Variants in DGKD observed in about 807,000 individuals in gnomAD.
DGKD encodes diacylglycerol kinase delta.
A neutral mutation model predicts 154.4 loss-of-function variants in DGKD; 68 were observed. That is an observed-to-expected ratio of 0.44 (90% CI 0.36 to 0.54). The LOEUF (loss-of-function observed/expected upper bound fraction) is 0.54. Ranked by LOEUF, DGKD falls within the 20% of genes least tolerant of loss-of-function variation. The pLI is 0.00. For missense variants in DGKD, 1,343 were observed against 1,593.6 expected (o/e 0.84, Z 2.68); for synonymous variants, 693 against 638.0 (o/e 1.09, Z -1.30).
At chr2:233,386,555 G>A (rs1372649181) in intron 1 of DGKD, among the ~76,000 whole-genome samples, 1 of 146,848 alleles carries the variant, frequency 6.8e-6, no homozygotes, top group Admixed American at 6.7e-5. Flanking sequence ...CTAGGGGAGG[G>A]GGTGGGGGTG....
chr2:233,416,311 A>T (rs919512868), intron 3 of DGKD, among the ~76,000 whole-genome samples: 1 of 152,190 alleles, frequency 6.6e-6, no homozygotes, highest in Non-Finnish European at 1.5e-5. Context: ...AGTATTGAAC[A>T]CACAAACAGG....
intron 2 of DGKD, among the ~76,000 whole-genome samples, chr2:233,389,715 A>G (rs1235746561): frequency 6.6e-6 from 1 of 152,162 alleles, no homozygotes; most frequent in Non-Finnish European, 1.5e-5. Context: ...GAGCCATCGT[A>G]GAATAGAGGG....
chr2:233,436,260 G>T, intron 6 of DGKD, 56 bp from the exon 7 acceptor site: 2 of 1,608,410 alleles, frequency 1.2e-6, no homozygotes, highest in Non-Finnish European at 1.7e-6. Context: ...TTTCCTGGCT[G>T]CCCTGGACGT....
At position 233,461,409 on chromosome 2, in the gene DGKD, T is replaced by C. The variant is rs557979422; in HGVS notation, c.2982-939T>C. Among the ~76,000 whole-genome samples the C allele has an allele frequency of 3.3e-5, 5 of 152,382 alleles. No individual in the cohort carries two copies. In the South Asian group the frequency reaches 1.0e-3, roughly 32 times the overall value. On this transcript the variant is annotated intron_variant, in intron 24 of 29. Transcript: ENST00000264057. ...ATCGTCTGTGCCAGCCTTCGGCTCTTGTCGAGCAGGTGGTCGCTGTCCCAG... is the reference window on the plus strand; with the variant it reads ...ATCGTCTGTGCCAGCCTTCGGCTCTCGTCGAGCAGGTGGTCGCTGTCCCAG...
intron 3 of DGKD, among the ~76,000 whole-genome samples, chr2:233,415,212 A>C (rs891357894): frequency 6.6e-6 from 1 of 152,234 alleles, no homozygotes; most frequent in Admixed American, 6.5e-5. Flanking sequence ...GAGCTTTCAG[A>C]CTAAAGCACA....
At chr2:233,358,666 C>T (rs957226871) in intron 1 of DGKD, among the ~76,000 whole-genome samples, 2 of 152,194 alleles carry the variant, frequency 1.3e-5, no homozygotes, top group East Asian at 1.9e-4. Context: ...AATATGTGGT[C>T]TGGCTTCTTT....
chr2:233,439,084 G>A (rs936570152), intron 9 of DGKD, among the ~76,000 whole-genome samples: 1 of 152,222 alleles, frequency 6.6e-6, no homozygotes, highest in Admixed American at 6.5e-5. Flanking sequence ...TCATAAGTTT[G>A]TAGAAAACAT....
At chr2:233,416,361 G>T (rs1037711235) in intron 3 of DGKD, among the ~76,000 whole-genome samples, 9 of 152,178 alleles carry the variant, frequency 5.9e-5, no homozygotes, top group Admixed American at 2.0e-4. Context: ...ACAAGACTTT[G>T]TCCTAAGGGT....
At chr2:233,384,458 A>C (rs1703065575) in intron 1 of DGKD, among the ~76,000 whole-genome samples, 2 of 151,968 alleles carry the variant, frequency 1.3e-5, no homozygotes. Flanking sequence ...TCCTGTGTTA[A>C]AACTTCTACA....
chr2:233,396,083 T>A (rs1370668128), intron 3 of DGKD, among the ~76,000 whole-genome samples: 1 of 152,230 alleles, frequency 6.6e-6, no homozygotes, highest in Non-Finnish European at 1.5e-5. Flanking sequence ...ATTTTATTAG[T>A]GAGCTCCGAG....
chr2:233,368,288 T>A (rs1423966162), intron 1 of DGKD, among the ~76,000 whole-genome samples: 1 of 152,082 alleles, frequency 6.6e-6, no homozygotes, highest in African/African-American at 2.4e-5. Flanking sequence ...GCTCAGGCGA[T>A]CACTTGAGGT....
intron 1 of DGKD, among the ~76,000 whole-genome samples, chr2:233,384,358 C>A (rs1282342001): frequency 6.6e-6 from 1 of 152,186 alleles, no homozygotes; most frequent in Non-Finnish European, 1.5e-5. Context: ...TTCTGGCTTT[C>A]CTTCCTTGGT....
rs940236683 is a variant in DGKD at position 233,445,225 on chromosome 2, G to A, written c.1195-398G>A. Among the ~76,000 whole-genome samples, 5 of 152,090 alleles carry A rather than the reference G, an allele frequency of 3.3e-5. No homozygotes were observed. Among genetic ancestry groups the A allele is most frequent in the African/African-American group, 1.2e-4 (5 of 41,400 alleles). On this transcript the variant is annotated intron_variant, in intron 10 of 29. Coordinates refer to ENST00000264057, the MANE Select transcript of DGKD (RefSeq NM_152879.3). This position sits in a 1 kb window ranked among gnomAD's most constrained non-coding sequence, Gnocchi z 5.5. ...TAGTGAGTGAGATGCTGTAGTGGATGGAGGGACGGGTGGCGAGGCATCAGA... is the reference window on the plus strand; with the variant it reads ...TAGTGAGTGAGATGCTGTAGTGGATAGAGGGACGGGTGGCGAGGCATCAGA...
At position 233,449,499 on chromosome 2, in the gene DGKD, AC is replaced by A; in HGVS notation, c.1888+126del. 1 of 1,349,070 alleles carries A rather than the reference AC, an allele frequency of 7.4e-7. No individual in the cohort carries two copies. The highest frequency in any genetic ancestry group is 9.9e-7 in the Non-Finnish European group (1 of 1,014,928). 83.6% of individuals were successfully genotyped at this position (1,349,070 alleles called of 1,614,324 possible). ...GAAAACCTCCACTGCGGCCCTCTCC[AC>A]CCATGTCCAGGCACCAGACCCCCAA... On this transcript the variant is annotated intron_variant, in intron 15 of 29. Transcript: ENST00000264057. The surrounding 1 kb of genome is among the most constrained non-coding windows in gnomAD (Gnocchi z 5.3).
At chr2:233,376,363 T>C (rs1249452139) in intron 1 of DGKD, among the ~76,000 whole-genome samples, 3 of 152,234 alleles carry the variant, frequency 2.0e-5, no homozygotes, top group African/African-American at 7.2e-5. Context: ...TCCACATCTG[T>C]CACTTCACTG....
chr2:233,394,047 C>T (rs1268849474), intron 3 of DGKD, among the ~76,000 whole-genome samples: 4 of 152,104 alleles, frequency 2.6e-5, no homozygotes, highest in South Asian at 2.1e-4. Context: ...TGTTTTTTAT[C>T]GCTTGAGCTT....
rs1427097777 is a variant in DGKD at position 233,390,038 on chromosome 2, C to A, written c.268-365C>A. On this transcript the variant is annotated intron_variant, in intron 2 of 29. Coordinates refer to ENST00000264057, the MANE Select transcript of DGKD (RefSeq NM_152879.3). ...CCCCGGCCTTCCCTCAGCTAAAACA[C>A]TGTGTGAGAACATACTTCACATGTA... Among the ~76,000 whole-genome samples the A allele has an allele frequency of 3.3e-5, 5 of 152,220 alleles. No individual in the cohort carries two copies. In the East Asian group the frequency reaches 9.6e-4, roughly 29 times the overall value.
rs576552183 is a variant in DGKD, at chr2:233,380,676, G to T, written c.157-7581G>T. ...GAGCAGTGAGGATGTGTGTGTGTGT[G>T]TGTGGGGGGGTGTTAACACCACATA... On this transcript the variant is annotated intron_variant, in intron 1 of 29. Coordinates refer to ENST00000264057, the MANE Select transcript of DGKD (RefSeq NM_152879.3). Among the ~76,000 whole-genome samples, 41 of 151,984 alleles carry T rather than the reference G, an allele frequency of 2.7e-4. No individual in the cohort carries two copies. The East Asian group carries it at 5.6e-3, about 21-fold the overall frequency.
At chr2:233,359,660 G>C (rs945339764) in intron 1 of DGKD, among the ~76,000 whole-genome samples, 2 of 152,134 alleles carry the variant, frequency 1.3e-5, no homozygotes, top group Non-Finnish European at 2.9e-5. Context: ...AATTTATTGA[G>C]TACTAGTGGG....
Sources: gnomAD v4.1 joint callset for allele counts (sites outside exome capture counted in the v4.1 genomes callset) on GRCh38, gnomAD v4.1.1 for gene constraint, Gnocchi (gnomAD v3.1) non-coding constraint, MANE v1.5 for transcripts, NCBI Gene and HGNC (gene_info 2026-07-23, HGNC 2026-07-21) for gene names.